OCA2: variants seen among roughly 807,000 people sequenced by gnomAD.
OCA2 encodes OCA2 melanosomal transmembrane protein.
A neutral mutation model predicts 100.2 loss-of-function variants in OCA2; 77 were observed. The observed-to-expected ratio is 0.77, with a 90% CI of 0.64 to 0.93. OCA2 has a LOEUF of 0.93. Ranked by LOEUF, OCA2 falls within the 40% of genes least tolerant of loss-of-function variation. The probability of loss-of-function intolerance (pLI) is 0.00; values close to 1 mark genes in which losing one functional copy is unlikely to be tolerated. For missense variants in OCA2, 1,062 were observed against 1,089.1 expected, an observed-to-expected ratio of 0.98 and a Z score of 0.35; for synonymous variants, 432 against 439.2, an observed-to-expected ratio of 0.98 and a Z score of 0.21.
intron 3 of OCA2, among the ~76,000 whole-genome samples, chr15:28,030,016 G>T (rs1240064712): frequency 6.6e-6 from 1 of 152,208 alleles, no homozygotes; most frequent in Admixed American, 6.5e-5. Flanking sequence ...CCAATGAATT[G>T]CAAGTTCTAA....
In OCA2 at chr15:28,081,820, G is replaced by C; in HGVS notation, c.55C>G (p.Leu19Val). The change falls in exon 2 of 24, where the codon CTC becomes GTC. Residue 19 changes from leucine to valine, a missense_variant. By Grantham distance (32) the Leu-to-Val change is conservative. Coordinates refer to ENST00000354638, the MANE Select transcript of OCA2 (RefSeq NM_000275.3). ...CCGCTGGGCACGGACGTCTGCAGGA[G>C]CTCCACCGCCGGCGCGCCGGGGTAC... The part of the protein sequence containing the change: ...RRYPGAPAVE[L>V]LQTSVPSGLA... 6.2e-7 allele frequency: 1 copy of C among 1,612,092 alleles called. No individual in the cohort carries two copies. Among genetic ancestry groups the C allele is most frequent in the Non-Finnish European group, 8.5e-7 (1 of 1,179,810 alleles).
chr15:27,989,727 A>G, intron 10 of OCA2, 61 bp from the exon 11 acceptor site: 2 of 1,472,060 alleles, frequency 1.4e-6, no homozygotes, highest in Non-Finnish European at 1.9e-6. Flanking sequence ...TGATGAGCCT[A>G]ATGAAGCGCT....
intron 2 of OCA2, among the ~76,000 whole-genome samples, chr15:28,036,307 G>A (rs1025473025): frequency 3.3e-5 from 5 of 152,134 alleles, no homozygotes; most frequent in East Asian, 1.9e-4. Flanking sequence ...ATTCCTAGAC[G>A]TGAGGTCACT....
chr15:27,774,241 C>T (rs545335504), intron 23 of OCA2, among the ~76,000 whole-genome samples: 2 of 152,306 alleles, frequency 1.3e-5, no homozygotes, highest in South Asian at 2.1e-4. Context: ...GTGAAGGCCC[C>T]ATCGAGTGCA....
At chr15:28,012,218 A>T (rs2042263489) in intron 9 of OCA2, among the ~76,000 whole-genome samples, 1 of 152,252 alleles carries the variant, frequency 6.6e-6, no homozygotes, top group Non-Finnish European at 1.5e-5. Flanking sequence ...AGAGAAATTA[A>T]GTTGAAAGCA....
intron 11 of OCA2, among the ~76,000 whole-genome samples, chr15:27,987,584 C>T (rs1393423162): frequency 6.6e-6 from 1 of 150,964 alleles, no homozygotes; most frequent in Non-Finnish European, 1.5e-5. Context: ...AAAAAATTAG[C>T]TGGGTGGGGT....
chr15:27,965,059 G>A (rs1183437794), intron 15 of OCA2, among the ~76,000 whole-genome samples: 1 of 152,208 alleles, frequency 6.6e-6, no homozygotes, highest in Non-Finnish European at 1.5e-5. Flanking sequence ...TCCTGGGGAT[G>A]ACGCTGAAAA....
chr15:27,738,761 G>A, the OCA2 span, among the ~76,000 whole-genome samples: 1 of 151,342 alleles, frequency 6.6e-6, no homozygotes, highest in South Asian at 2.1e-4. Flanking sequence ...ACTAACCTAC[G>A]GAGCTAAAAA....
rs569353800 is a variant in OCA2 at position 28,021,443 on chromosome 15, G to A, written c.646+1058C>T. ...GCAAAACAGGTGACTGTAGGAAGAGGCGGCTTCCCTGGGACAGGTGCCAGC... is the reference window on the plus strand; with the variant it reads ...GCAAAACAGGTGACTGTAGGAAGAGACGGCTTCCCTGGGACAGGTGCCAGC... On this transcript the variant is annotated intron_variant, in intron 6 of 23. Coordinates refer to ENST00000354638, the MANE Select transcript of OCA2 (RefSeq NM_000275.3). Among the ~76,000 whole-genome samples, 3 of 152,346 alleles carry A rather than the reference G, an allele frequency of 2.0e-5. No individual in the cohort carries two copies. In the East Asian group the frequency reaches 5.8e-4, roughly 29 times the overall value.
chr15:27,806,798 G>A (rs75388125), intron 23 of OCA2, among the ~76,000 whole-genome samples: 5,558 of 152,312 alleles, frequency 0.036, 327 homozygotes, highest in African/African-American at 0.13. Flanking sequence ...GGAGAGGACC[G>A]TGGCCACCTT....
chr15:28,040,947 G>GA (rs1453914291), intron 2 of OCA2, among the ~76,000 whole-genome samples: 1 of 152,142 alleles, frequency 6.6e-6, no homozygotes, highest in Non-Finnish European at 1.5e-5. Context: ...AACTCTTCCA[G>GA]AAAATTGAAA....
intron 2 of OCA2, among the ~76,000 whole-genome samples, chr15:28,039,516 T>C (rs936224567): frequency 2.6e-5 from 4 of 152,124 alleles, no homozygotes; most frequent in African/African-American, 9.7e-5. Context: ...CACCAAAATG[T>C]GGAAATTAAA....
At chr15:27,871,026 T>A (rs540109732) in intron 21 of OCA2, 128 bp downstream of exon 21, 371 of 766,562 alleles carry the variant, frequency 4.8e-4, no homozygotes, top group Admixed American at 1.1e-3. Flanking sequence ...CTGCTCACTT[T>A]CGTCCTCTAC....
At chr15:27,911,049 T>C (rs76285708) in intron 19 of OCA2, among the ~76,000 whole-genome samples, 8,260 of 152,214 alleles carry the variant, frequency 0.054, 773 homozygotes, top group African/African-American at 0.19. Flanking sequence ...GGTAGAAAGA[T>C]GAGCAAAGGA....
the OCA2 span, among the ~76,000 whole-genome samples, chr15:27,731,158 A>T: frequency 1.1e-4 from 17 of 152,294 alleles, no homozygotes; most frequent in African/African-American, 4.1e-4. Context: ...GCACAGGCAT[A>T]TTCACTTTCA....
the OCA2 span, among the ~76,000 whole-genome samples, chr15:27,734,272 T>G: frequency 1.1e-5 from 1 of 91,574 alleles, no homozygotes; most frequent in South Asian, 3.5e-4. Flanking sequence ...TGCACAAAAA[T>G]ACCTTTTCAA....
intron 19 of OCA2, among the ~76,000 whole-genome samples, chr15:27,890,162 AT>A (rs1228774230): frequency 6.6e-6 from 1 of 152,186 alleles, no homozygotes; most frequent in Non-Finnish European, 1.5e-5. Context: ...GAGAAAATAT[AT>A]TTTTTTAAAA....
chr15:27,926,320 C>T, intron 18 of OCA2, 66 bp from the exon 19 acceptor site: 1 of 1,567,320 alleles, frequency 6.4e-7, no homozygotes, highest in Non-Finnish European at 8.8e-7. Context: ...ATTTCTTTAA[C>T]CTCTGGTTGC....
At chr15:27,820,455 A>C (rs7163137) in intron 23 of OCA2, among the ~76,000 whole-genome samples, 76,122 of 152,070 alleles carry the variant, frequency 0.5, 19,724 homozygotes, top group South Asian at 0.76. Flanking sequence ...ACCCTGGTCA[A>C]ATCGTGAGAA....
Sources: allele counts gnomAD v4.1 joint callset (sites outside exome capture counted in the v4.1 genomes callset), GRCh38; gene constraint gnomAD v4.1.1; transcripts MANE v1.5; gene names NCBI Gene and HGNC (gene_info 2026-07-23, HGNC 2026-07-21).